GALK2: variants seen among roughly 807,000 people sequenced by gnomAD.
GALK2 encodes galactokinase 2, also known as N-acetylgalactosamine kinase.
Under a neutral mutation model 52.4 loss-of-function variants are expected in GALK2, and 36 were observed. The ratio of observed to expected loss-of-function variants is 0.69; its 90% CI spans 0.53 to 0.91. GALK2 has a LOEUF of 0.91. GALK2 is among the 40% of genes least tolerant of loss of function. The probability of loss-of-function intolerance (pLI) is 0.00; values close to 1 mark genes in which losing one functional copy is unlikely to be tolerated. For missense variants in GALK2, 579 were observed against 559.1 expected, an observed-to-expected ratio of 1.04 and a Z score of -0.36; for synonymous variants, 176 against 199.1, an observed-to-expected ratio of 0.88 and a Z score of 0.98.
intron 2 of GALK2, among the ~76,000 whole-genome samples, chr15:49,206,260 A>G (rs1325577343): frequency 6.6e-6 from 1 of 151,218 alleles, no homozygotes; most frequent in Non-Finnish European, 1.5e-5. Flanking sequence ...TTTATTTATT[A>G]TTATTATACT....
chr15:49,192,621 T>A (rs995188902), intron 1 of GALK2, among the ~76,000 whole-genome samples: 1 of 150,902 alleles, frequency 6.6e-6, no homozygotes, highest in African/African-American at 2.4e-5. Flanking sequence ...CCAGTTCCCC[T>A]CTGAAAGTGT....
intron 3 of GALK2, among the ~76,000 whole-genome samples, chr15:49,357,544 G>T (rs1263194296): frequency 6.6e-6 from 1 of 151,934 alleles, no homozygotes; most frequent in African/African-American, 2.4e-5. Flanking sequence ...CCAGGAAGAA[G>T]TTGAATCTCT....
At position 49,245,494 on chromosome 15, in the gene GALK2, A is replaced by G. The variant is rs551521427; in HGVS notation, c.504+6127A>G. 4.6e-5 allele frequency among the ~76,000 whole-genome samples: 7 copies of G among 152,334 alleles called. No homozygotes were observed. In the East Asian group the frequency reaches 1.3e-3, roughly 29 times the overall value. ...TAGAATGAAAAGTAAGATGACCTGT[A>G]TGACCACACCTGGGGGAACCTGAAA... On this transcript the variant is annotated intron_variant, in intron 5 of 9. Transcript: ENST00000560031.
chr15:49,171,281 T>C (rs575765313), intron 1 of GALK2, among the ~76,000 whole-genome samples: 1 of 152,130 alleles, frequency 6.6e-6, no homozygotes, highest in African/African-American at 2.4e-5. Context: ...GGGGTTTCTC[T>C]ATGTTGGTCA....
intron 1 of GALK2, among the ~76,000 whole-genome samples, chr15:49,157,158 T>C (rs1221470638): frequency 6.6e-6 from 1 of 152,202 alleles, no homozygotes; most frequent in African/African-American, 2.4e-5. Context: ...TTTAAATTGG[T>C]CATATGACCC....
chr15:49,261,381 T>C (rs1212754834), intron 5 of GALK2, among the ~76,000 whole-genome samples: 1 of 147,426 alleles, frequency 6.8e-6, no homozygotes, highest in Non-Finnish European at 1.5e-5. Context: ...CTGTTATTGG[T>C]GTATAAGAAT....
chr15:49,221,400 T>A (rs547997323), intron 3 of GALK2, among the ~76,000 whole-genome samples: 5 of 152,290 alleles, frequency 3.3e-5, no homozygotes, highest in African/African-American at 9.6e-5. Context: ...GCGTGGTGGC[T>A]CATGCCTATA....
intron 1 of GALK2, among the ~76,000 whole-genome samples, chr15:49,183,948 G>C: frequency 6.6e-6 from 1 of 151,964 alleles, no homozygotes. Context: ...TGCCACCGTT[G>C]GATGAAATGT....
At chr15:49,190,287 G>A (rs190163186) in intron 1 of GALK2, among the ~76,000 whole-genome samples, 2 of 152,054 alleles carry the variant, frequency 1.3e-5, no homozygotes, top group Admixed American at 1.3e-4. Flanking sequence ...CAATGCAAAT[G>A]ATTTTTTTTT....
At chr15:49,303,165 G>A (rs1335796899) in intron 8 of GALK2, among the ~76,000 whole-genome samples, 1 of 152,218 alleles carries the variant, frequency 6.6e-6, no homozygotes, top group African/African-American at 2.4e-5. Context: ...AAAAAAAATG[G>A]GCTTACCTGA....
Position 49,319,731 on chromosome 15 carries a change from C to T in GALK2, c.1095C>T (p.Asn365=). 3 of 1,614,098 alleles carry T rather than the reference C, an allele frequency of 1.9e-6. No individual in the cohort carries two copies. Among genetic ancestry groups the T allele is most frequent in the Non-Finnish European group, 1.7e-6 (2 of 1,180,018 alleles). The stretch of plus-strand genomic sequence containing the variant: ...TCCAGCTGCTGGGAGAGTTGATGAA[C>T]CAGAGCCACATGAGCTGCCGGGACA... ...NMVQLLGELM[N]QSHMSCRDMY... Residue 365 remains asparagine (N), a synonymous_variant, in exon 9 of 10, where the codon AAC becomes AAT. Coordinates refer to ENST00000560031, the MANE Select transcript of GALK2 (RefSeq NM_002044.4).
At chr15:49,250,399 C>CT (rs1292361225) in intron 5 of GALK2, among the ~76,000 whole-genome samples, 1 of 152,074 alleles carries the variant, frequency 6.6e-6, no homozygotes, top group African/African-American at 2.4e-5. Context: ...TAAAAGATGT[C>CT]TTTTTAAAAA....
downstream of GALK2, among the ~76,000 whole-genome samples, chr15:49,332,505 G>C (rs2038978048): frequency 6.6e-6 from 1 of 152,174 alleles, no homozygotes; most frequent in East Asian, 1.9e-4. Context: ...TTGAAATCAG[G>C]AAGCAGCAGG....
In GALK2 at chr15:49,227,281, T is replaced by C. The variant is rs1205152655; in HGVS notation, c.267-8570T>C. Reference sequence around the variant, plus strand: ...GTCTTTCTCCCTTTAGTCATAATAATATTTGCTTTATATATCTGGGTGCTT... The same window carrying C: ...GTCTTTCTCCCTTTAGTCATAATAACATTTGCTTTATATATCTGGGTGCTT... On this transcript the variant is annotated intron_variant, in intron 3 of 9. Transcript: ENST00000560031. Among the ~76,000 whole-genome samples the C allele has an allele frequency of 2.0e-5, 3 of 152,234 alleles. No individual in the cohort carries two copies. The East Asian group carries it at 5.8e-4, about 29-fold the overall frequency.
intron 5 of GALK2, among the ~76,000 whole-genome samples, chr15:49,265,612 A>G (rs1595891409): frequency 6.6e-6 from 1 of 152,174 alleles, no homozygotes; most frequent in Admixed American, 6.5e-5. Context: ...CTCCCTAGGG[A>G]GATGAACCCA....
Position 49,364,679 on chromosome 15 carries a change from G to A in GALK2, c.427-2812G>A, listed in dbSNP as rs187300031. Among the ~76,000 whole-genome samples, 584 of 152,086 alleles carry A rather than the reference G, an allele frequency of 3.8e-3. 6 individuals carry two copies. Among genetic ancestry groups the A allele is most frequent in the African/African-American group, 0.012 (483 of 41,496 alleles). The stretch of plus-strand genomic sequence containing the variant: ...GTGATAAAAGGTCCAAATTTTCACC[G>A]TTGAACTGCCTTCTTGCATGGTCTT... On this transcript the variant is annotated intron_variant, in intron 3 of 3. Transcript: ENST00000558399.
intron 5 of GALK2, among the ~76,000 whole-genome samples, chr15:49,280,599 G>C (rs1451904995): frequency 6.6e-6 from 1 of 152,082 alleles, no homozygotes; most frequent in Non-Finnish European, 1.5e-5. Flanking sequence ...TGGCAACCAA[G>C]CAGGCAAGAG....
At chr15:49,285,500 T>G (rs1001498228) in intron 7 of GALK2, among the ~76,000 whole-genome samples, 20 of 152,186 alleles carry the variant, frequency 1.3e-4, no homozygotes, top group Admixed American at 1.3e-3. Flanking sequence ...GTTGGTCTCA[T>G]GCCCTCAGCT....
chr15:49,291,205 A>G (rs531915758), intron 7 of GALK2, among the ~76,000 whole-genome samples: 4 of 151,650 alleles, frequency 2.6e-5, no homozygotes, highest in Non-Finnish European at 4.4e-5. Flanking sequence ...ACCATGTTCC[A>G]TGAAATAATT....
Sources: gnomAD v4.1 joint callset for allele counts (sites outside exome capture counted in the v4.1 genomes callset) on GRCh38, gnomAD v4.1.1 for gene constraint, MANE v1.5 for transcripts, NCBI Gene and HGNC (gene_info 2026-07-23, HGNC 2026-07-21) for gene names.